CARNS1: variants seen among roughly 807,000 people sequenced by gnomAD.
CARNS1 encodes the protein carnosine synthase 1, also known as ATP-grasp domain containing 1.
In CARNS1, 61 loss-of-function variants were observed where a neutral mutation model predicts 74.0. That is an observed-to-expected ratio of 0.82 (90% confidence interval 0.67 to 1.02). CARNS1 has a LOEUF of 1.02. Ranked by LOEUF, CARNS1 falls within the 50% of genes least tolerant of loss-of-function variation. The pLI, the probability that CARNS1 is intolerant of heterozygous loss-of-function variation, is 0.00. For missense variants in CARNS1, 1,278 were observed against 1,308.4 expected (o/e 0.98, Z 0.36); for synonymous variants, 568 against 605.5 (o/e 0.94, Z 0.91).
At chr11:67,419,334 C>T in intron 5 of CARNS1, 91 bp downstream of exon 5, 2 of 1,470,524 alleles carry the variant, frequency 1.4e-6, no homozygotes, top group Admixed American at 4.7e-5. Context: ...AAAGGTGTCC[C>T]TACCTCTTAG....
In CARNS1 at chr11:67,425,072, T is replaced by G; in HGVS notation, c.*471T>G. 1 of 459,186 alleles carries G rather than the reference T, an allele frequency of 2.2e-6. No homozygotes were observed. The highest frequency in any genetic ancestry group is 4.4e-6 in the Non-Finnish European group (1 of 229,056). 28.4% of individuals were successfully genotyped at this position (459,186 alleles called of 1,614,324 possible). ...CCTTGTCTTCCTCTTACCCAAATTC[T>G]AGGATAGCTCTGAAGCCTGCTGGAA... On this transcript the variant is annotated 3_prime_UTR_variant, in exon 10 of 10. Coordinates refer to ENST00000687366, the MANE Select transcript of CARNS1 (RefSeq NM_001166222.2).
chr11:67,419,253 T>G lies in CARNS1; in HGVS notation c.852+10T>G. The stretch of plus-strand genomic sequence containing the variant: ...GGGTGATATCCTGCAGGTAACAGAC[T>G]CTCGCCCACCCTGAGGTCTGTACAG... On this transcript the variant is annotated intron_variant, in intron 5 of 9. Coordinates refer to ENST00000687366, the MANE Select transcript of CARNS1 (RefSeq NM_001166222.2). The G allele has an allele frequency of 6.8e-7, 1 of 1,469,396 alleles. No homozygotes were observed. Among genetic ancestry groups the G allele is most frequent in the Non-Finnish European group, 9.0e-7 (1 of 1,105,646 alleles). The allele number at this position is 1,469,396 out of a possible 1,614,324, so 91.0% of individuals were successfully genotyped here.
At chr11:67,422,689 A>C (rs1014371126) in intron 9 of CARNS1, among the ~76,000 whole-genome samples, 5 of 152,118 alleles carry the variant, frequency 3.3e-5, no homozygotes, top group South Asian at 2.1e-4. Context: ...AGCTGGCCCT[A>C]ATCTAGCACA....
chr11:67,416,582 G>T, intron 2 of CARNS1: 4 of 1,065,310 alleles, frequency 3.8e-6, no homozygotes, highest in Non-Finnish European at 4.6e-6. Context: ...CCCAGGGGAT[G>T]GGAGAGGGCA....
rs776062703 is a variant in CARNS1, at chr11:67,424,522, G to A, written c.2774G>A (p.Arg925His). ...AGPSPTEARL[R>H]LLGLCQGLGI... ...CCCAGCCCCACCGAGGCCCGTCTCC[G>A]CCTGCTGGGCCTCTGCCAGGGCCTG... is the stretch of plus-strand genomic sequence containing the variant. The change falls in exon 10 of 10, where the codon CGC (arginine) becomes CAC (histidine). Residue 925 changes from arginine (R) to histidine (H), a missense_variant. Coordinates refer to ENST00000687366, the MANE Select transcript of CARNS1 (RefSeq NM_001166222.2). 36 of 1,596,384 alleles carry A rather than the reference G, an allele frequency of 2.3e-5. No homozygotes were observed. The highest frequency in any genetic ancestry group is 2.3e-4 in the Middle Eastern group (1 of 4,440).
At chr11:67,416,382 T>TA in intron 2 of CARNS1, 180 bp downstream of exon 2, 1 of 1,436,426 alleles carries the variant, frequency 7.0e-7, no homozygotes. Context: ...TGGGCACTCT[T>TA]AGTGCCCTGT....
At chr11:67,420,329 G>A (rs1335160526) in intron 7 of CARNS1, among the ~76,000 whole-genome samples, 1 of 151,820 alleles carries the variant, frequency 6.6e-6, no homozygotes, top group Non-Finnish European at 1.5e-5. Flanking sequence ...TGCTAGGGTG[G>A]GGCACACCAG....
Position 67,423,972 on chromosome 11 carries a change from G to T in CARNS1, c.2224G>T (p.Gly742Trp), listed in dbSNP as rs770469224. ...CGACGTGGACCTGGTGTTGTTTGGT[G>T]GGCGGTTGCTGGCTGCCTTTGTCTC... ...EHDVDLVLFGGRLLAAFVSDN... is the reference protein window; with the variant it reads ...EHDVDLVLFGWRLLAAFVSDN... Residue 742 changes from glycine (G) to tryptophan (W), a missense_variant, in exon 10 of 10, where the codon GGG becomes TGG. Coordinates refer to ENST00000687366, the MANE Select transcript of CARNS1 (RefSeq NM_001166222.2). The surrounding 1 kb of genome is among the most constrained non-coding windows in gnomAD (Gnocchi z 5.1). 17 of 1,613,354 alleles carry T rather than the reference G, an allele frequency of 1.1e-5. No individual in the cohort carries two copies. The highest frequency in any genetic ancestry group is 1.4e-5 in the Non-Finnish European group (16 of 1,179,840).
At position 67,424,170 on chromosome 11, in the gene CARNS1, C is replaced by G. The variant is rs1490285791; in HGVS notation, c.2422C>G (p.Pro808Ala). 6.2e-7 allele frequency: 1 copy of G among 1,613,906 alleles called. No homozygotes were observed. The highest frequency in any genetic ancestry group is 8.5e-7 in the Non-Finnish European group (1 of 1,179,878). Reference sequence around the variant, plus strand: ...GGAGCTCAAGCTGACCGGGGCTGGGCCTCGGCTTATCGAGATCAACCCCCG... The same window carrying G: ...GGAGCTCAAGCTGACCGGGGCTGGGGCTCGGCTTATCGAGATCAACCCCCG... Reference protein sequence around the residue: ...NVELKLTGAGPRLIEINPRMG... With the variant: ...NVELKLTGAGARLIEINPRMG... Residue 808 changes from proline (P) to alanine (A), a missense_variant, in exon 10 of 10, where the codon CCT becomes GCT. By Grantham distance (27) the Pro-to-Ala change is conservative. Coordinates refer to ENST00000687366, the MANE Select transcript of CARNS1 (RefSeq NM_001166222.2).
rs1330184286 is a variant in CARNS1 at position 67,419,815 on chromosome 11, G to A, written c.1090G>A (p.Gly364Ser). The change falls in exon 7 of 10, where the codon GGT (glycine) becomes AGT (serine). Residue 364 changes from glycine to serine, a missense_variant. Coordinates refer to ENST00000687366, the MANE Select transcript of CARNS1 (RefSeq NM_001166222.2). ...CTGTGCTGTGGTGTGTCGGACACAGGGTGATAGGCCACTGCTGAGCAAGGT... is the reference window on the plus strand; with the variant it reads ...CTGTGCTGTGGTGTGTCGGACACAGAGTGATAGGCCACTGCTGAGCAAGGT... The part of the protein sequence containing the change: ...RICAVVCRTQ[G>S]DRPLLSKVVC... 2 of 1,594,004 alleles carry A rather than the reference G, an allele frequency of 1.3e-6. No homozygotes were observed. The highest frequency in any genetic ancestry group is 4.6e-5 in the East Asian group (2 of 43,432).
intron 2 of CARNS1, 175 bp from the exon 3 acceptor site, chr11:67,417,232 G>T: frequency 8.1e-7 from 1 of 1,234,792 alleles, no homozygotes; most frequent in African/African-American, 1.5e-5. Context: ...TCCCACGGTT[G>T]CGTTCCCATT....
chr11:67,418,572 G>T (rs1399307006), intron 4 of CARNS1, 52 bp downstream of exon 4: 1 of 1,496,734 alleles, frequency 6.7e-7, no homozygotes, highest in Non-Finnish European at 8.9e-7. Context: ...GGGCAGCCCT[G>T]CCCTGGCCCA....
intron 2 of CARNS1, chr11:67,416,819 A>G: frequency 4.1e-6 from 4 of 986,448 alleles, no homozygotes; most frequent in Non-Finnish European, 4.8e-6. Context: ...CCGTGACTCA[A>G]AATATCTGCA....
Position 67,424,847 on chromosome 11 carries a change from A to C in CARNS1, c.*246A>C. The C allele has an allele frequency of 1.6e-6, 1 of 624,708 alleles. No homozygotes were observed. The highest frequency in any genetic ancestry group is 2.9e-6 in the Non-Finnish European group (1 of 346,688). The allele number at this position is 624,708 out of a possible 1,614,324, so 38.7% of individuals were successfully genotyped here. A position where few individuals can be genotyped will look rare whatever the true frequency, so the allele number is the denominator to read the frequency against. The stretch of plus-strand genomic sequence containing the variant: ...AGCTTCCCCAGCATTCTAGCCTTGG[A>C]GAAATGACAATGGCCACACACACAC... On this transcript the variant is annotated 3_prime_UTR_variant, in exon 10 of 10. Coordinates refer to ENST00000687366, the MANE Select transcript of CARNS1 (RefSeq NM_001166222.2).
At chr11:67,418,601 C>T (rs1863607450) in intron 4 of CARNS1, 81 bp downstream of exon 4, 6 of 1,448,814 alleles carry the variant, frequency 4.1e-6, no homozygotes, top group South Asian at 1.3e-5. Context: ...CCAAAATACC[C>T]GCCAACCCTG....
intron 7 of CARNS1, among the ~76,000 whole-genome samples, chr11:67,420,383 G>A (rs1038177542): frequency 1.3e-5 from 2 of 152,200 alleles, no homozygotes; most frequent in African/African-American, 4.8e-5. Flanking sequence ...CCTGGAGGGG[G>A]ACCCCAGCTG....
At position 67,424,343 on chromosome 11, in the gene CARNS1, TG is replaced by T. The variant is rs1863781025; in HGVS notation, c.2596del (p.Val866CysfsTer8). 1 of 1,608,302 alleles carries T rather than the reference TG, an allele frequency of 6.2e-7. No homozygotes were observed. The highest frequency in any genetic ancestry group is 2.2e-5 in the East Asian group (1 of 44,742). On this transcript the variant is annotated frameshift_variant, in exon 10 of 10. Transcript: ENST00000687366. LOFTEE classifies it high-confidence loss of function. ...RGHLVGVMCL[V>X]SQHLQALSST... ...GCCATCTGGTGGGCGTCATGTGCCT[TG>T]TGTCCCAGCACCTGCAGGCCCTGAG...
At chr11:67,418,628 C>A in intron 4 of CARNS1, 108 bp downstream of exon 4, 1 of 1,433,396 alleles carries the variant, frequency 7.0e-7, no homozygotes, top group South Asian at 1.4e-5. Flanking sequence ...GCCTGCATTC[C>A]ACCGGAGCAG....
At chr11:67,420,899 T>A (rs748750196) in intron 8 of CARNS1, 40 bp from the exon 9 acceptor site, 13 of 1,341,828 alleles carry the variant, frequency 9.7e-6, no homozygotes, top group Middle Eastern at 2.8e-4. Context: ...TGGAGGGCGG[T>A]GGCTGCCGTA....
Sources: gnomAD v4.1 joint callset for allele counts (sites outside exome capture counted in the v4.1 genomes callset) on GRCh38, gnomAD v4.1.1 for gene constraint, Gnocchi (gnomAD v3.1) non-coding constraint, MANE v1.5 for transcripts, NCBI Gene and HGNC (gene_info 2026-07-23, HGNC 2026-07-21) for gene names.